The following KDM4B variants were observed in gnomAD, a reference collection of about 807,000 sequenced individuals.
KDM4B encodes the protein lysine-specific demethylase 4B.
In KDM4B, 32 loss-of-function variants were observed where a neutral mutation model predicts 125.2. The ratio of observed to expected loss-of-function variants is 0.26; its 90% CI spans 0.19 to 0.34. The LOEUF (loss-of-function observed/expected upper bound fraction) is 0.34. Ranked by LOEUF, KDM4B falls within the 10% of genes least tolerant of loss-of-function variation. The pLI is 1.00. For synonymous variants in KDM4B, 721 were observed against 677.9 expected (o/e 1.06, Z -0.99); for missense variants, 1,190 against 1,577.7 (o/e 0.75, Z 4.16).
intron 1 of KDM4B, among the ~76,000 whole-genome samples, chr19:5,012,335 G>T (rs263053): frequency 0.065 from 9,906 of 152,292 alleles, 1,054 homozygotes; most frequent in African/African-American, 0.22. Flanking sequence ...GGAACATCCT[G>T]CCTGTTGTGG....
chr19:4,994,667 C>G lies in KDM4B; in HGVS notation c.-108-21590C>G, dbSNP rs907783291. On this transcript the variant is annotated intron_variant, in intron 1 of 22. Coordinates refer to ENST00000159111, the MANE Select transcript of KDM4B (RefSeq NM_015015.3). The stretch of plus-strand genomic sequence containing the variant: ...TTAAATCCAGTCTGACAATTTCTGT[C>G]TTTTGATTGGATGTTTAATCCATTC... Among the ~76,000 whole-genome samples, 5 of 147,996 alleles carry G rather than the reference C, an allele frequency of 3.4e-5. No individual in the cohort carries two copies. In the South Asian group the frequency reaches 8.5e-4, roughly 25 times the overall value.
chr19:5,054,556 TAGTC>T lies in KDM4B; in HGVS notation c.626+6888_626+6891del, dbSNP rs572994761. On this transcript the variant is annotated intron_variant, in intron 6 of 22. Transcript: ENST00000159111. Reference sequence around the variant, plus strand: ...AGAGAAACAAGGGTCTCCAGTCACATAGTCTGTCTGGGAGGGAGTCTGGCCCCCT... The same window carrying T: ...AGAGAAACAAGGGTCTCCAGTCACATTGTCTGGGAGGGAGTCTGGCCCCCT... Among the ~76,000 whole-genome samples the T allele has an allele frequency of 5.6e-3, 857 of 152,270 alleles. 7 individuals carry two copies. The highest frequency in any genetic ancestry group is 0.019 in the African/African-American group (800 of 41,556).
intron 1 of KDM4B, among the ~76,000 whole-genome samples, chr19:4,986,922 G>C (rs990313044): frequency 2.0e-5 from 3 of 152,210 alleles, no homozygotes; most frequent in African/African-American, 7.2e-5. Context: ...AGGCACTGCT[G>C]TCAGAGGTTT....
chr19:5,102,023 C>T (rs555520440), intron 9 of KDM4B, among the ~76,000 whole-genome samples: 1 of 152,240 alleles, frequency 6.6e-6, no homozygotes, highest in East Asian at 1.9e-4. Context: ...CAGGAGGGGT[C>T]GGGTGCTGCG....
Position 5,137,665 on chromosome 19 carries a change from C to T in KDM4B, c.2430C>T (p.Thr810=), listed in dbSNP as rs778737154. Residue 810 remains threonine, a synonymous_variant, in exon 17 of 23, where the codon ACC becomes ACT. Coordinates refer to ENST00000159111, the MANE Select transcript of KDM4B (RefSeq NM_015015.3). ...CNLRGGALQM[T]TDRRWIHVIC... is the part of the protein sequence containing the mutation. Reference sequence around the variant, plus strand: ...TGCGAGGAGGTGCGCTGCAGATGACCACCGATAGGAGGTGGGTGGCACCGC... The same window carrying T: ...TGCGAGGAGGTGCGCTGCAGATGACTACCGATAGGAGGTGGGTGGCACCGC... 1 of 1,592,648 alleles carries T rather than the reference C, an allele frequency of 6.3e-7. No individual in the cohort carries two copies. Among genetic ancestry groups the T allele is most frequent in the Non-Finnish European group, 8.5e-7 (1 of 1,173,346 alleles).
chr19:5,001,462 C>T (rs1054100441), intron 1 of KDM4B, among the ~76,000 whole-genome samples: 3 of 152,210 alleles, frequency 2.0e-5, no homozygotes, highest in Non-Finnish European at 4.4e-5. Flanking sequence ...AGGGATGCAG[C>T]GAAGTCCACC....
chr19:5,112,829 C>G (rs1238462821), intron 10 of KDM4B: 1 of 152,494 alleles, frequency 6.6e-6, no homozygotes, highest in Non-Finnish European at 1.5e-5. Flanking sequence ...CTGTGTGCTC[C>G]TCATGAAGAG....
At chr19:5,049,162 G>T (rs1048190366) in intron 6 of KDM4B, among the ~76,000 whole-genome samples, 3 of 152,132 alleles carry the variant, frequency 2.0e-5, no homozygotes, top group Non-Finnish European at 4.4e-5. Flanking sequence ...GGCGGCAGTG[G>T]GGCCCGGCCA....
intron 6 of KDM4B, among the ~76,000 whole-genome samples, chr19:5,064,009 G>A (rs1182943532): frequency 6.6e-5 from 10 of 152,212 alleles, no homozygotes; most frequent in East Asian, 1.9e-4. Flanking sequence ...CCCTGTAGCC[G>A]GCTTGCTCTC....
At chr19:5,127,129 C>T (rs2039463285) in intron 11 of KDM4B, among the ~76,000 whole-genome samples, 1 of 152,188 alleles carries the variant, frequency 6.6e-6, no homozygotes, top group Non-Finnish European at 1.5e-5. Flanking sequence ...GCTAGCAGGG[C>T]CTCAGCTGGC....
intron 10 of KDM4B, among the ~76,000 whole-genome samples, chr19:5,117,100 TC>T (rs534730410): frequency 1.4e-4 from 22 of 152,200 alleles, no homozygotes; most frequent in African/African-American, 5.1e-4. Flanking sequence ...CCTACCCAGT[TC>T]CATGTAGTGT....
At chr19:4,998,449 C>G (rs139563270) in intron 1 of KDM4B, among the ~76,000 whole-genome samples, 135 of 152,324 alleles carry the variant, frequency 8.9e-4, no homozygotes, top group African/African-American at 3.2e-3. Context: ...CATGTGGCGA[C>G]ATTCCCTGCT....
At chr19:5,096,336 T>G (rs568272652) in intron 9 of KDM4B, among the ~76,000 whole-genome samples, 19 of 152,234 alleles carry the variant, frequency 1.2e-4, no homozygotes, top group Middle Eastern at 3.4e-3. Context: ...CCACCCGCCT[T>G]GGCCTCCCAG....
intron 3 of KDM4B, among the ~76,000 whole-genome samples, chr19:5,034,603 G>T (rs954109482): frequency 6.6e-6 from 1 of 152,124 alleles, no homozygotes; most frequent in African/African-American, 2.4e-5. Flanking sequence ...GATTCGGCCC[G>T]AGGGCCGCAG....
At chr19:5,061,387 C>A (rs1201841663) in intron 6 of KDM4B, among the ~76,000 whole-genome samples, 1 of 152,212 alleles carries the variant, frequency 6.6e-6, no homozygotes, top group Non-Finnish European at 1.5e-5. Context: ...GTAAAACGAT[C>A]CATTAAAGAT....
chr19:5,097,442 G>T (rs1457914259), intron 9 of KDM4B, among the ~76,000 whole-genome samples: 2 of 152,140 alleles, frequency 1.3e-5, no homozygotes, highest in Admixed American at 1.3e-4. Flanking sequence ...TTGTAGAGTT[G>T]GGGTCTCACT....
chr19:4,972,467 C>G (rs62112547), intron 1 of KDM4B, among the ~76,000 whole-genome samples: 41,711 of 152,108 alleles, frequency 0.27, 7,258 homozygotes, highest in East Asian at 0.69. Context: ...GGTCTCCCCA[C>G]CTCTGCCCTA....
chr19:5,070,755 T>G (rs1018768293), intron 6 of KDM4B: 1 of 425,682 alleles, frequency 2.3e-6, no homozygotes, highest in African/African-American at 2.0e-5. Flanking sequence ...CACTCCTGGC[T>G]TTCTGAGTGT....
chr19:5,134,633 C>G (rs751257699), intron 14 of KDM4B, among the ~76,000 whole-genome samples: 1 of 152,238 alleles, frequency 6.6e-6, no homozygotes, highest in Non-Finnish European at 1.5e-5. Context: ...GGGCATGCAG[C>G]CTCCCCAGGA....
Sources: gnomAD v4.1 joint callset for allele counts (sites outside exome capture counted in the v4.1 genomes callset) on GRCh38, gnomAD v4.1.1 for gene constraint, MANE v1.5 for transcripts, NCBI Gene and HGNC (gene_info 2026-07-23, HGNC 2026-07-21) for gene names.